The following KIF13B variants were observed in gnomAD, a reference collection of about 807,000 sequenced individuals.
KIF13B encodes kinesin-like protein KIF13B.
A neutral mutation model predicts 222.0 loss-of-function variants in KIF13B; 127 were observed. The observed-to-expected ratio is 0.57, with a 90% CI of 0.50 to 0.66. The LOEUF is 0.66. KIF13B is among the 30% of genes least tolerant of loss of function. The pLI is 0.00. For synonymous variants in KIF13B, 976 were observed against 919.0 expected (o/e 1.06, Z -1.12); for missense variants, 2,173 against 2,379.0 (o/e 0.91, Z 1.80).
rs200573525 is a variant in KIF13B, at chr8:29,196,191, G to A, written c.158C>T (p.Pro53Leu). 33 of 1,564,852 alleles carry A rather than the reference G, an allele frequency of 2.1e-5. No individual in the cohort carries two copies. Among genetic ancestry groups the A allele is most frequent in the African/African-American group, 8.2e-5 (6 of 73,458 alleles). Residue 53 changes from proline to leucine, a missense_variant, in exon 3 of 40, where the codon CCG becomes CTG. Around this residue, in one of 2 missense-constraint regions of KIF13B, gnomAD observed 1,480 missense variants for 1,722.8 expected, o/e 0.86. Coordinates refer to ENST00000524189, the MANE Select transcript of KIF13B (RefSeq NM_015254.4). The part of the protein sequence containing the change: ...NLSKGDARGQ[P>L]KVFAYDHCFW... Reference sequence around the variant, plus strand: ...ATAACAAACCAAATCTCTTACCTTCGGCTGGCCCCTGAGCTCCCAAAACAG... The same window carrying A: ...ATAACAAACCAAATCTCTTACCTTCAGCTGGCCCCTGAGCTCCCAAAACAG...
At chr8:29,252,895 G>A (rs1337787202) in intron 1 of KIF13B, among the ~76,000 whole-genome samples, 1 of 151,796 alleles carries the variant, frequency 6.6e-6, no homozygotes, top group South Asian at 2.1e-4. Context: ...AAAGCAAATT[G>A]GTCTTTATTT....
intron 10 of KIF13B, among the ~76,000 whole-genome samples, chr8:29,172,552 T>C (rs1385655923): frequency 6.6e-6 from 1 of 152,242 alleles, no homozygotes; most frequent in African/African-American, 2.4e-5. Flanking sequence ...CTATGAACAG[T>C]TTTTTTCATT....
intron 16 of KIF13B, among the ~76,000 whole-genome samples, 177 bp downstream of exon 16, chr8:29,148,400 G>GTT (rs5890440): frequency 8.1e-4 from 118 of 146,084 alleles, no homozygotes; most frequent in African/African-American, 2.3e-3. Context: ...ACACTCTACC[G>GTT]TTTTTTTTTT....
intron 24 of KIF13B, among the ~76,000 whole-genome samples, chr8:29,129,871 C>T (rs1254380189): frequency 3.3e-5 from 5 of 152,182 alleles, no homozygotes; most frequent in Non-Finnish European, 7.3e-5. Flanking sequence ...AATCCTCACA[C>T]TAATCTCATG....
chr8:29,241,386 TCTTA>T (rs576825357), intron 2 of KIF13B, among the ~76,000 whole-genome samples: 12 of 152,350 alleles, frequency 7.9e-5, no homozygotes, highest in African/African-American at 1.9e-4. Flanking sequence ...GATTGTATTG[TCTTA>T]CTATTATATC....
intron 19 of KIF13B, among the ~76,000 whole-genome samples, chr8:29,141,118 G>C (rs1393370573): frequency 6.6e-6 from 1 of 152,066 alleles, no homozygotes; most frequent in East Asian, 1.9e-4. Context: ...CGGGTCACCT[G>C]AGGTCAAGAG....
chr8:29,239,726 G>C (rs185818347), intron 2 of KIF13B, among the ~76,000 whole-genome samples: 207 of 152,248 alleles, frequency 1.4e-3, no homozygotes, highest in Non-Finnish European at 2.4e-3. Context: ...GCGGTGGCAC[G>C]ATCTTGGCTA....
At chr8:29,150,916 AAAAG>A (rs1405696081) in intron 14 of KIF13B, among the ~76,000 whole-genome samples, 15 of 149,560 alleles carry the variant, frequency 1.0e-4, no homozygotes, top group African/African-American at 3.3e-4. Context: ...CTGTTTAAGT[AAAAG>A]AAAGAGTCAC....
chr8:29,175,200 A>G (rs1037511951), intron 10 of KIF13B, among the ~76,000 whole-genome samples: 1 of 152,200 alleles, frequency 6.6e-6, no homozygotes, highest in Non-Finnish European at 1.5e-5. Context: ...ACTGCAACTT[A>G]TACCCTCTAA....
At chr8:29,136,821 A>C (rs1224082162) in intron 21 of KIF13B, among the ~76,000 whole-genome samples, 1 of 118,602 alleles carries the variant, frequency 8.4e-6, no homozygotes, top group Non-Finnish European at 1.6e-5. Context: ...TTTTTTTGAG[A>C]TGGCGTCTCG....
In KIF13B at chr8:29,113,530, T is replaced by C. The variant is rs1348491048; in HGVS notation, c.3863A>G (p.Lys1288Arg). 1 of 1,587,068 alleles carries C rather than the reference T, an allele frequency of 6.3e-7. No individual in the cohort carries two copies. The highest frequency in any genetic ancestry group is 8.6e-7 in the Non-Finnish European group (1 of 1,164,276). The change falls in exon 32 of 40, where the codon AAG (lysine) becomes AGG (arginine). Residue 1288 changes from lysine to arginine, a missense_variant. By Grantham distance (26) the Lys-to-Arg change is conservative. Transcript: ENST00000524189. ...RQGFAQSLLK[K>R]MSHRSSIPGC... ...AGGAATAGAACTTCGATGAGACATCTTTTTTAGGAGACTCTGTGCAAAACC... is the reference window on the plus strand; with the variant it reads ...AGGAATAGAACTTCGATGAGACATCCTTTTTAGGAGACTCTGTGCAAAACC...
chr8:29,132,165 ACT>A, intron 23 of KIF13B, 141 bp downstream of exon 23: 1 of 457,856 alleles, frequency 2.2e-6, no homozygotes, highest in Non-Finnish European at 3.6e-6. Flanking sequence ...AGAATTGCTT[ACT>A]CCCAGGAGGC....
chr8:29,109,905 G>A lies in KIF13B; in HGVS notation c.4083+13C>T, dbSNP rs751712416. On this transcript the variant is annotated intron_variant, in intron 33 of 39. Transcript: ENST00000524189. ...GGCCTCTGCTGCCCGCCCTATCCAT[G>A]CGGTTGGCTAACCTGGCGCAGACGA... is the stretch of plus-strand genomic sequence containing the variant. 1 of 1,612,482 alleles carries A rather than the reference G, an allele frequency of 6.2e-7. No homozygotes were observed. The highest frequency in any genetic ancestry group is 2.2e-5 in the East Asian group (1 of 44,868).
intron 38 of KIF13B, among the ~76,000 whole-genome samples, chr8:29,074,330 G>A (rs1807453992): frequency 6.6e-6 from 1 of 152,254 alleles, no homozygotes; most frequent in Admixed American, 6.5e-5. Context: ...ACTGGGGGCA[G>A]AGCTGCAGAG....
At chr8:29,110,124 C>T (rs562563058) in intron 32 of KIF13B, 54 bp from the exon 33 acceptor site, 120 of 1,392,046 alleles carry the variant, frequency 8.6e-5, no homozygotes, top group Admixed American at 4.2e-4. Context: ...CACACACACA[C>T]GTACACGCGT....
intron 2 of KIF13B, among the ~76,000 whole-genome samples, chr8:29,214,854 A>G (rs1474218153): frequency 6.6e-6 from 1 of 152,206 alleles, no homozygotes; most frequent in Non-Finnish European, 1.5e-5. Context: ...GGAATTTTTC[A>G]GCTCCTTCAT....
chr8:29,097,585 C>A (rs554761964), intron 36 of KIF13B, among the ~76,000 whole-genome samples: 73 of 151,916 alleles, frequency 4.8e-4, no homozygotes, highest in South Asian at 1.0e-3. Context: ...TACAGATTAC[C>A]CCCAAAAATA....
At chr8:29,182,727 A>G (rs1340988634) in intron 6 of KIF13B, among the ~76,000 whole-genome samples, 1 of 152,064 alleles carries the variant, frequency 6.6e-6, no homozygotes, top group Non-Finnish European at 1.5e-5. Context: ...TAATAATATA[A>G]ACCAAAAATA....
intron 15 of KIF13B, among the ~76,000 whole-genome samples, chr8:29,149,490 A>G (rs1489557159): frequency 1.3e-5 from 2 of 152,218 alleles, no homozygotes; most frequent in South Asian, 2.1e-4. Context: ...CACAACATCA[A>G]TTTTGTTTGG....
Sources: allele counts gnomAD v4.1 joint callset (sites outside exome capture counted in the v4.1 genomes callset), GRCh38; gene constraint gnomAD v4.1.1; regional missense constraint gnomAD v4.1.1; transcripts MANE v1.5; gene names NCBI Gene and HGNC (gene_info 2026-07-23, HGNC 2026-07-21).